HTR2C: variants seen among roughly 807,000 people sequenced by gnomAD.
The protein encoded by HTR2C is 5-hydroxytryptamine (serotonin) receptor 2C, G protein-coupled.
Under a neutral mutation model 21.0 loss-of-function variants are expected in HTR2C, and 5 were observed. The observed-to-expected ratio is 0.24, with a 90% CI of 0.12 to 0.50. HTR2C has a LOEUF of 0.50. Ranked by LOEUF, HTR2C falls within the 20% of genes least tolerant of loss-of-function variation. HTR2C has a pLI of 0.98. For synonymous variants in HTR2C, 150 were observed against 145.3 expected, an observed-to-expected ratio of 1.03 and a Z score of -0.23; for missense variants, 271 against 371.2, an observed-to-expected ratio of 0.73 and a Z score of 2.22.
intron 4 of HTR2C, among the ~76,000 whole-genome samples, chrX:114,841,517 C>T (rs1180750535): frequency 3.6e-5 from 4 of 111,129 alleles, no homozygotes; most frequent in African/African-American, 6.5e-5. Flanking sequence ...CGAGGCAGGC[C>T]GATCATGAGG....
chrX:114,676,954 T>C (rs1303345734), intron 2 of HTR2C, among the ~76,000 whole-genome samples: 1 of 112,148 alleles, frequency 8.9e-6, no homozygotes, highest in Non-Finnish European at 1.9e-5. Context: ...GACTCCTTAA[T>C]TGAATTCAAA....
At chrX:114,637,414 G>GAAAAGA (rs1240512912) in intron 2 of HTR2C, among the ~76,000 whole-genome samples, 8 of 111,646 alleles carry the variant, frequency 7.2e-5, no homozygotes, top group Non-Finnish European at 1.3e-4. Flanking sequence ...GTAGGAAGAG[G>GAAAAGA]AAAAGAAAAA....
At chrX:114,806,882 C>CAT (rs2070457733) in intron 4 of HTR2C, among the ~76,000 whole-genome samples, 1 of 97,498 alleles carries the variant, frequency 1.0e-5, no homozygotes, top group African/African-American at 3.7e-5. Context: ...GTATATACAC[C>CAT]ATATATATAC....
chrX:114,685,740 G>C (rs191824824), intron 2 of HTR2C, among the ~76,000 whole-genome samples: 85 of 111,487 alleles, frequency 7.6e-4, no homozygotes, highest in Non-Finnish European at 1.2e-3. Flanking sequence ...GAACAAAAAA[G>C]AGTCTAATCC....
chrX:114,716,379 T>C (rs1932996709), intron 2 of HTR2C, among the ~76,000 whole-genome samples: 1 of 112,358 alleles, frequency 8.9e-6, no homozygotes, highest in Non-Finnish European at 1.9e-5. Flanking sequence ...AATTCGCACA[T>C]AATTTAACAA....
chrX:114,705,192 T>A (rs1458775857), intron 2 of HTR2C, among the ~76,000 whole-genome samples: 1 of 109,560 alleles, frequency 9.1e-6, no homozygotes, highest in African/African-American at 3.3e-5. Flanking sequence ...TTCTTCACAA[T>A]ATTGGAAAAA....
At chrX:114,762,778 C>A (rs1165130992) in intron 4 of HTR2C, among the ~76,000 whole-genome samples, 3 of 111,930 alleles carry the variant, frequency 2.7e-5, no homozygotes, top group Non-Finnish European at 5.6e-5. Context: ...GCTGTCCTAC[C>A]CACTGATATT....
intron 4 of HTR2C, among the ~76,000 whole-genome samples, chrX:114,747,678 C>T (rs1452258474): frequency 1.8e-5 from 2 of 112,518 alleles, no homozygotes; most frequent in African/African-American, 6.5e-5. Context: ...TGCTGGCATT[C>T]TCTCTTGCTC....
intron 2 of HTR2C, among the ~76,000 whole-genome samples, chrX:114,633,775 CTATA>C (rs1167783351): frequency 1.8e-5 from 2 of 108,270 alleles, no homozygotes; most frequent in Admixed American, 1.0e-4. Context: ...TTCTCTCTCT[CTATA>C]TATATATACA....
chrX:114,609,502 T>C (rs1012053987), intron 1 of HTR2C, among the ~76,000 whole-genome samples: 7 of 111,675 alleles, frequency 6.3e-5, no homozygotes, highest in Non-Finnish European at 1.3e-4. Context: ...CTGTTGTAAT[T>C]ACTCTTTTGG....
chrX:114,865,743 G>A (rs1356525259), intron 5 of HTR2C, among the ~76,000 whole-genome samples: 2 of 111,180 alleles, frequency 1.8e-5, no homozygotes, highest in African/African-American at 6.5e-5. Flanking sequence ...ATATTATTGA[G>A]TTTTAATTGT....
chrX:114,907,262 G>A lies in HTR2C; in HGVS notation c.1224G>A (p.Gly408=). ...GAGTTGCCGCCACTGCTTTGTCTGG[G>A]AGGGAGCTTAATGTTAACATTTATC... ...IPRVAATALS[G]RELNVNIYRH... The change falls in exon 6 of 6, where the codon GGG becomes GGA. Residue 408 remains glycine (G), a synonymous_variant. Transcript: ENST00000276198. 1 of 1,211,483 alleles carries A rather than the reference G, an allele frequency of 8.3e-7. No homozygotes were observed. The highest frequency in any genetic ancestry group is 2.2e-5 in the Admixed American group (1 of 46,011).
intron 4 of HTR2C, among the ~76,000 whole-genome samples, chrX:114,771,202 C>G (rs1404020680): frequency 2.7e-5 from 3 of 111,584 alleles, no homozygotes; most frequent in Admixed American, 1.9e-4. Flanking sequence ...ACTCCAACCT[C>G]TAGTGTTTAT....
At chrX:114,688,275 C>T (rs1207585180) in intron 2 of HTR2C, among the ~76,000 whole-genome samples, 1 of 103,529 alleles carries the variant, frequency 9.7e-6, no homozygotes, top group Non-Finnish European at 2.0e-5. Context: ...GAGCCGAGAT[C>T]ATGCCACTGC....
intron 5 of HTR2C, among the ~76,000 whole-genome samples, chrX:114,865,771 T>TA (rs2071040718): frequency 9.0e-6 from 1 of 111,705 alleles, no homozygotes; most frequent in African/African-American, 3.3e-5. Context: ...ATATTCTTGG[T>TA]AAAAATTTTA....
At chrX:114,780,176 A>G (rs868927737) in intron 4 of HTR2C, among the ~76,000 whole-genome samples, 1 of 111,600 alleles carries the variant, frequency 9.0e-6, no homozygotes, top group African/African-American at 3.3e-5. Context: ...TATTTTATGT[A>G]AGGGACTAAA....
chrX:114,748,488 A>G (rs182054157), intron 4 of HTR2C, among the ~76,000 whole-genome samples: 2 of 111,973 alleles, frequency 1.8e-5, no homozygotes, highest in African/African-American at 6.5e-5. Context: ...TGGAGAACTC[A>G]TAATACTGGA....
intron 2 of HTR2C, among the ~76,000 whole-genome samples, chrX:114,710,501 T>A (rs1932875937): frequency 8.9e-6 from 1 of 112,179 alleles, no homozygotes; most frequent in South Asian, 3.7e-4. Flanking sequence ...TGTAACTTAT[T>A]AGTTCTATGT....
At chrX:114,606,724 G>A (rs1928454415) in intron 1 of HTR2C, among the ~76,000 whole-genome samples, 1 of 111,846 alleles carries the variant, frequency 8.9e-6, no homozygotes. Flanking sequence ...TTCTCACGGA[G>A]CAAAGAGCAG....
Sources: allele counts gnomAD v4.1 joint callset (sites outside exome capture counted in the v4.1 genomes callset), GRCh38; gene constraint gnomAD v4.1.1; transcripts MANE v1.5; gene names NCBI Gene and HGNC (gene_info 2026-07-23, HGNC 2026-07-21).